GDA: variants seen among roughly 807,000 people sequenced by gnomAD.
GDA encodes the protein guanine deaminase, also known as cytoplasmic PSD-95 interactor.
A neutral mutation model predicts 59.6 loss-of-function variants in GDA; 18 were observed. The observed-to-expected ratio is 0.30, with a 90% confidence interval of 0.21 to 0.45. GDA has a LOEUF of 0.45. Ranked by LOEUF, GDA falls within the 20% of genes least tolerant of loss-of-function variation. The pLI is 1.00. For missense variants in GDA, 427 were observed against 552.3 expected, an observed-to-expected ratio of 0.77 and a Z score of 2.27; for synonymous variants, 201 against 201.1, an observed-to-expected ratio of 1.00 and a Z score of 0.00.
chr9:72,206,010 A>C (rs1244035570), intron 3 of GDA, among the ~76,000 whole-genome samples: 1 of 152,186 alleles, frequency 6.6e-6, no homozygotes, highest in Non-Finnish European at 1.5e-5. Flanking sequence ...GGTGCTTAAA[A>C]TTTTGAAAAT....
At chr9:72,198,922 G>A (rs1297495984) in intron 2 of GDA, among the ~76,000 whole-genome samples, 4 of 150,186 alleles carry the variant, frequency 2.7e-5, no homozygotes, top group South Asian at 2.1e-4. Flanking sequence ...GGAATACCTG[G>A]GGGAAGTTGA....
chr9:72,247,298 T>C, intron 12 of GDA, 108 bp from the exon 13 acceptor site: 1 of 782,790 alleles, frequency 1.3e-6, no homozygotes, highest in East Asian at 2.5e-5. Flanking sequence ...ATTTTGCCAT[T>C]GAGAAACAAA....
At chr9:72,233,978 G>A (rs1032826260) in intron 10 of GDA, among the ~76,000 whole-genome samples, 11 of 151,982 alleles carry the variant, frequency 7.2e-5, no homozygotes, top group African/African-American at 2.7e-4. Flanking sequence ...GTATGAGGAT[G>A]TTTATATCAG....
chr9:72,136,867 C>T (rs12347266), intron 1 of GDA, among the ~76,000 whole-genome samples: 25,854 of 151,776 alleles, frequency 0.17, 2,928 homozygotes, highest in African/African-American at 0.33. Flanking sequence ...CCCAGCTACC[C>T]GGGAGGCTGA....
intron 13 of GDA, 24 bp downstream of exon 13, chr9:72,247,457 C>T: frequency 2.4e-6 from 3 of 1,260,938 alleles, no homozygotes; most frequent in Non-Finnish European, 3.5e-6. Flanking sequence ...TGTCTCTATG[C>T]TAAATATTAA....
At chr9:72,209,491 G>A (rs1835103753) in intron 3 of GDA, among the ~76,000 whole-genome samples, 1 of 152,000 alleles carries the variant, frequency 6.6e-6, no homozygotes, top group Non-Finnish European at 1.5e-5. Flanking sequence ...TTTTGTGGGT[G>A]CAATAGTGTG....
At chr9:72,128,522 G>A (rs1825923458) in intron 1 of GDA, among the ~76,000 whole-genome samples, 2 of 152,160 alleles carry the variant, frequency 1.3e-5, no homozygotes, top group South Asian at 4.1e-4. Context: ...CAATAATAAT[G>A]GAAGATAGAT....
chr9:72,122,753 C>G (rs536879757), intron 1 of GDA, among the ~76,000 whole-genome samples: 1 of 152,090 alleles, frequency 6.6e-6, no homozygotes, highest in Non-Finnish European at 1.5e-5. Context: ...TCACTGATGA[C>G]AATGGAATCA....
intron 1 of GDA, among the ~76,000 whole-genome samples, chr9:72,136,245 G>T (rs1400710648): frequency 6.6e-6 from 1 of 152,106 alleles, no homozygotes; most frequent in Non-Finnish European, 1.5e-5. Flanking sequence ...GAGGTCTCTT[G>T]TCTCTTTTAA....
downstream of GDA, among the ~76,000 whole-genome samples, chr9:72,254,898 C>T (rs1303670796): frequency 3.9e-5 from 6 of 152,162 alleles, no homozygotes; most frequent in Admixed American, 3.9e-4. Context: ...TGGTTTCATC[C>T]ACACCTGAGT....
intron 1 of GDA, among the ~76,000 whole-genome samples, chr9:72,132,868 C>G (rs1306726004): frequency 6.6e-6 from 1 of 152,150 alleles, no homozygotes; most frequent in East Asian, 1.9e-4. Context: ...GATATTTGCA[C>G]TTGACTATGA....
At chr9:72,132,219 G>A (rs116217647) in intron 1 of GDA, among the ~76,000 whole-genome samples, 1,804 of 152,276 alleles carry the variant, frequency 0.012, 31 homozygotes, top group African/African-American at 0.041. Context: ...CCAATTTCAG[G>A]ATTAACTAAC....
At position 72,174,839 on chromosome 9, in the gene GDA, G is replaced by T. The variant is rs547997925; in HGVS notation, c.124-20661G>T. 7.9e-5 allele frequency among the ~76,000 whole-genome samples: 12 copies of T among 152,092 alleles called. No homozygotes were observed. The East Asian group carries it at 1.9e-3, about 25-fold the overall frequency. ...AGAGTGGGGATGGGGAATTGGAAAA[G>T]CTTCCTAAGGAAGGGACAGCTAAAC... On this transcript the variant is annotated intron_variant, in intron 1 of 13. Transcript: ENST00000358399.
intron 1 of GDA, among the ~76,000 whole-genome samples, chr9:72,137,947 G>A (rs531019909): frequency 6.6e-6 from 1 of 152,226 alleles, no homozygotes; most frequent in South Asian, 2.1e-4. Context: ...TTAGGTCAAC[G>A]CCACACTCTC....
rs141745885 is a variant in GDA, at chr9:72,161,312, G to A, written c.123+11630G>A. 6.4e-3 allele frequency among the ~76,000 whole-genome samples: 975 copies of A among 152,292 alleles called. 3 individuals carry two copies. Among genetic ancestry groups the A allele is most frequent in the Non-Finnish European group, 0.011 (717 of 68,036 alleles). On this transcript the variant is annotated intron_variant, in intron 1 of 13. Transcript: ENST00000358399. ...AGGTTCACAACTTTATCACCTTTGT[G>A]TTGACAGCACTTAACACATGGTGGG... is the stretch of plus-strand genomic sequence containing the variant.
chr9:72,180,298 A>C (rs1422409475), intron 1 of GDA, among the ~76,000 whole-genome samples: 1 of 152,188 alleles, frequency 6.6e-6, no homozygotes, highest in Non-Finnish European at 1.5e-5. Context: ...CAGAGGTTGC[A>C]GTGAGACAAG....
At position 72,248,390 on chromosome 9, in the gene GDA, A is replaced by G. The variant is rs375643227; in HGVS notation, c.*48A>G. The G allele has an allele frequency of 6.2e-7, 1 of 1,612,242 alleles. No homozygotes were observed. Among genetic ancestry groups the G allele is most frequent in the African/African-American group, 1.3e-5 (1 of 74,842 alleles). ...TCTCCTGGGATTAGCGTGGTTCTGC[A>G]TCTCCCTTGTGCCCAGGTGGAGTTA... On this transcript the variant is annotated 3_prime_UTR_variant, in exon 14 of 14. Coordinates refer to ENST00000358399, the MANE Select transcript of GDA (RefSeq NM_004293.5).
chr9:72,221,094 C>T (rs1035042957), intron 6 of GDA, among the ~76,000 whole-genome samples: 2 of 152,082 alleles, frequency 1.3e-5, no homozygotes, highest in Non-Finnish European at 2.9e-5. Context: ...TCCTCACTAC[C>T]CCTCTATGAG....
At chr9:72,214,361 C>T (rs552439897) in intron 5 of GDA, among the ~76,000 whole-genome samples, 1 of 151,362 alleles carries the variant, frequency 6.6e-6, no homozygotes, top group South Asian at 2.1e-4. Flanking sequence ...TCACTGCAAC[C>T]TTCAGCTCAC....
Sources: gnomAD v4.1 joint callset for allele counts (sites outside exome capture counted in the v4.1 genomes callset) on GRCh38, gnomAD v4.1.1 for gene constraint, MANE v1.5 for transcripts, NCBI Gene and HGNC (gene_info 2026-07-23, HGNC 2026-07-21) for gene names.